PAPPA2: variants seen among roughly 807,000 people sequenced by gnomAD.
The protein encoded by PAPPA2 is pappalysin 2, also known as pappalysin-2.
In PAPPA2, 86 loss-of-function variants were observed where a neutral mutation model predicts 176.4. The ratio of observed to expected loss-of-function variants is 0.49; its 90% confidence interval spans 0.41 to 0.58. The LOEUF is 0.58. Ranked by LOEUF, PAPPA2 falls within the 20% of genes least tolerant of loss-of-function variation. The pLI is 0.00. For synonymous variants in PAPPA2, 809 were observed against 852.2 expected (o/e 0.95, Z 0.88); for missense variants, 2,073 against 2,256.9 (o/e 0.92, Z 1.65).
chr1:176,680,267 G>A (rs1433354283), intron 4 of PAPPA2, among the ~76,000 whole-genome samples: 1 of 152,158 alleles, frequency 6.6e-6, no homozygotes, highest in Non-Finnish European at 1.5e-5. Context: ...GGAGGAGTTG[G>A]TTGGAGATGA....
intron 21 of PAPPA2, among the ~76,000 whole-genome samples, chr1:176,839,876 A>T (rs1667417800): frequency 6.6e-6 from 1 of 152,182 alleles, no homozygotes; most frequent in African/African-American, 2.4e-5. Context: ...TATAATATAA[A>T]GACCTCTTGT....
At chr1:176,767,815 C>G (rs768998531) in intron 15 of PAPPA2, among the ~76,000 whole-genome samples, 1 of 152,220 alleles carries the variant, frequency 6.6e-6, no homozygotes, top group Non-Finnish European at 1.5e-5. Context: ...CGTGCTGTCA[C>G]CTCAGGCTGG....
chr1:176,690,293 T>C lies in PAPPA2; in HGVS notation c.2294T>C (p.Met765Thr), dbSNP rs778736305. 1.2e-6 allele frequency: 2 copies of C among 1,614,076 alleles called. No homozygotes were observed. Among genetic ancestry groups the C allele is most frequent in the Non-Finnish European group, 8.5e-7 (1 of 1,179,980 alleles). The change falls in exon 5 of 23, where the codon ATG (methionine) becomes ACG (threonine). Residue 765 changes from methionine (M) to threonine (T), a missense_variant. By Grantham distance (81) the Met-to-Thr change is moderately conservative. Around this residue, in one of 4 missense-constraint regions of PAPPA2, gnomAD observed 1,196 missense variants for 1,330.4 expected, o/e 0.90. Coordinates refer to ENST00000367662, the MANE Select transcript of PAPPA2 (RefSeq NM_020318.3). ...CCCTGCAAGGAGACAGTGCCATCCA[T>C]GGAAACGGGAGACCTCTGTGCCGAC... ...NDPCKETVPS[M>T]ETGDLCADTA...
At chr1:176,695,616 C>T (rs944839103) in intron 6 of PAPPA2, 122 bp from the exon 7 acceptor site, 2 of 1,128,344 alleles carry the variant, frequency 1.8e-6, no homozygotes, top group Non-Finnish European at 2.6e-6. Flanking sequence ...CTTAGTTACT[C>T]TCTAGGTCCT....
chr1:176,819,501 G>A (rs1410499845), intron 21 of PAPPA2, among the ~76,000 whole-genome samples: 1 of 152,176 alleles, frequency 6.6e-6, no homozygotes, highest in Admixed American at 6.5e-5. Context: ...CTCAATCAAA[G>A]TCATTTAACA....
intron 21 of PAPPA2, among the ~76,000 whole-genome samples, chr1:176,831,642 C>T (rs753462123): frequency 6.6e-6 from 1 of 152,146 alleles, no homozygotes; most frequent in East Asian, 1.9e-4. Flanking sequence ...TGTGTGCTTG[C>T]AGTGAGGTAG....
At chr1:176,789,658 G>C (rs1316090464) in intron 17 of PAPPA2, 151 bp from the exon 18 acceptor site, 1 of 723,342 alleles carries the variant, frequency 1.4e-6, no homozygotes, top group Admixed American at 3.1e-5. Context: ...CCATGATTTA[G>C]AAATTAGCCT....
At chr1:176,710,722 G>T (rs1444656775) in intron 11 of PAPPA2, among the ~76,000 whole-genome samples, 1 of 152,128 alleles carries the variant, frequency 6.6e-6, no homozygotes, top group Non-Finnish European at 1.5e-5. Flanking sequence ...CCATTTATTA[G>T]AATAGGCAAT....
At chr1:176,767,371 G>A (rs760946990) in intron 15 of PAPPA2, among the ~76,000 whole-genome samples, 4 of 152,042 alleles carry the variant, frequency 2.6e-5, no homozygotes, top group East Asian at 1.9e-4. Context: ...ACGGAGTCTC[G>A]CTCTGTCGCC....
intron 3 of PAPPA2, among the ~76,000 whole-genome samples, chr1:176,665,949 C>A (rs990002287): frequency 2.6e-5 from 4 of 152,098 alleles, no homozygotes; most frequent in Admixed American, 6.6e-5. Flanking sequence ...GAATAAGAAT[C>A]TAATCTTAGA....
intron 15 of PAPPA2, among the ~76,000 whole-genome samples, chr1:176,767,780 C>A (rs1205427301): frequency 6.6e-6 from 1 of 152,192 alleles, no homozygotes; most frequent in Non-Finnish European, 1.5e-5. Context: ...GCACAGTCAG[C>A]AACAGTGCTC....
chr1:176,567,224 A>G (rs1355046622), intron 2 of PAPPA2, among the ~76,000 whole-genome samples: 1 of 152,254 alleles, frequency 6.6e-6, no homozygotes, highest in Non-Finnish European at 1.5e-5. Flanking sequence ...GCAAACAAAA[A>G]CATCCTAGTT....
At chr1:176,559,085 G>A (rs61821123) in intron 2 of PAPPA2, among the ~76,000 whole-genome samples, 18,614 of 152,022 alleles carry the variant, frequency 0.12, 1,327 homozygotes, top group South Asian at 0.19. Context: ...ACCCCAGGAC[G>A]TCTTTCTACC....
intron 1 of PAPPA2, among the ~76,000 whole-genome samples, chr1:176,483,393 T>C (rs1339211700): frequency 6.7e-6 from 1 of 148,856 alleles, no homozygotes; most frequent in Non-Finnish European, 1.5e-5. Context: ...AAGCAGCTAC[T>C]ACTAGGGCCT....
At position 176,740,171 on chromosome 1, in the gene PAPPA2, G is replaced by A. The variant is rs376402363; in HGVS notation, c.4126G>A (p.Glu1376Lys). 2.4e-5 allele frequency: 38 copies of A among 1,613,616 alleles called. 1 individual carries two copies. In the Middle Eastern group the frequency reaches 1.2e-3, roughly 49 times the overall value. ...SAPSNCISED[E>K]GQNHQGQSCI... Reference sequence around the variant, plus strand: ...TCCCAGTAACTGCATCTCAGAGGACGAGGGGCAGAATCATCAGGGACAGAG... The same window carrying A: ...TCCCAGTAACTGCATCTCAGAGGACAAGGGGCAGAATCATCAGGGACAGAG... The change falls in exon 14 of 23, where the codon GAG (glutamate) becomes AAG (lysine). Residue 1376 changes from glutamate to lysine, a missense_variant. Physicochemically the swap from Glu to Lys is moderately conservative, Grantham distance 56 (BLOSUM62 1). This residue lies in a region of PAPPA2 where 846 missense variants were observed against 857.9 expected (regional missense o/e 0.99). Transcript: ENST00000367662.
intron 1 of PAPPA2, among the ~76,000 whole-genome samples, chr1:176,525,190 C>CA (rs1162156371): frequency 1.1e-4 from 17 of 152,314 alleles, no homozygotes; most frequent in Non-Finnish European, 2.2e-4. Context: ...CGGTTGCTGG[C>CA]AAACGGCACA....
chr1:176,690,798 T>C (rs935644773), intron 5 of PAPPA2: 1 of 1,038,838 alleles, frequency 9.6e-7, no homozygotes, highest in Non-Finnish European at 1.2e-6. Context: ...AAGAGTCCAA[T>C]GGAAATAAAG....
chr1:176,689,788 C>T (rs1387863234), intron 4 of PAPPA2, among the ~76,000 whole-genome samples: 1 of 152,110 alleles, frequency 6.6e-6, no homozygotes, highest in Non-Finnish European at 1.5e-5. Context: ...GGTTTGGATT[C>T]AATTCATCTG....
chr1:176,773,072 G>A (rs1664304879), intron 17 of PAPPA2, among the ~76,000 whole-genome samples: 1 of 152,108 alleles, frequency 6.6e-6, no homozygotes, highest in Admixed American at 6.6e-5. Flanking sequence ...GTGGAGTTCT[G>A]GGTTTGAGGG....
Sources: allele counts gnomAD v4.1 joint callset (sites outside exome capture counted in the v4.1 genomes callset), GRCh38; gene constraint gnomAD v4.1.1; regional missense constraint gnomAD v4.1.1; transcripts MANE v1.5; gene names NCBI Gene and HGNC (gene_info 2026-07-23, HGNC 2026-07-21).